ITK: variants seen among roughly 807,000 people sequenced by gnomAD.
The protein encoded by ITK is tyrosine-protein kinase ITK/TSK.
In ITK, 45 loss-of-function variants were observed where a neutral mutation model predicts 87.6. That is an observed-to-expected ratio of 0.51 (90% CI 0.40 to 0.66). The LOEUF (loss-of-function observed/expected upper bound fraction) is 0.66, where lower values mean the gene tolerates loss of function less well. Among genes scored for constraint, ITK ranks in the 30% least tolerant of loss-of-function variants. ITK has a pLI of 0.00. For synonymous variants in ITK, 303 were observed against 273.6 expected, an observed-to-expected ratio of 1.11 and a Z score of -1.06; for missense variants, 605 against 766.3, an observed-to-expected ratio of 0.79 and a Z score of 2.48.
intron 1 of ITK, among the ~76,000 whole-genome samples, chr5:157,191,811 A>T (rs1043036664): frequency 6.6e-6 from 1 of 152,222 alleles, no homozygotes; most frequent in Non-Finnish European, 1.5e-5. Flanking sequence ...GTTTCCAGGT[A>T]TAATGAAAAC....
chr5:157,202,401 A>T (rs1458393817), intron 1 of ITK, among the ~76,000 whole-genome samples: 1 of 152,028 alleles, frequency 6.6e-6, no homozygotes, highest in Non-Finnish European at 1.5e-5. Context: ...TTTAGTAGAG[A>T]TGGGGTTTCA....
intron 2 of ITK, among the ~76,000 whole-genome samples, chr5:157,209,379 A>T (rs1208494974): frequency 6.6e-6 from 1 of 151,692 alleles, no homozygotes; most frequent in Non-Finnish European, 1.5e-5. Flanking sequence ...GTGGACACGG[A>T]TGACTCTCTG....
At chr5:157,211,435 A>ATTC in intron 3 of ITK, 67 bp downstream of exon 3, 1 of 1,301,264 alleles carries the variant, frequency 7.7e-7, no homozygotes, top group Non-Finnish European at 1.1e-6. Flanking sequence ...GGGTTCCACA[A>ATTC]TAGAATAGAG....
chr5:157,190,711 A>G lies in ITK; in HGVS notation c.138+9596A>G, dbSNP rs2113739268. On this transcript the variant is annotated intron_variant, in intron 1 of 16. Transcript: ENST00000422843. ...TTATAGCTAAACTGAAGTTTGAGGA[A>G]ATAACTAGTTAAATGAAGAAATGGG... Among the ~76,000 whole-genome samples, 3 of 152,294 alleles carry G rather than the reference A, an allele frequency of 2.0e-5. No homozygotes were observed. The South Asian group carries it at 6.2e-4, about 32-fold the overall frequency.
intron 1 of ITK, among the ~76,000 whole-genome samples, chr5:157,193,744 G>A (rs556414640): frequency 6.6e-6 from 1 of 152,288 alleles, no homozygotes; most frequent in South Asian, 2.1e-4. Flanking sequence ...AAAAGGCAGA[G>A]TTGGGGCAAG....
In ITK at chr5:157,244,280, A is replaced by C. The variant is rs1449853934; in HGVS notation, c.1251A>C (p.Lys417Asn). 1 of 1,614,108 alleles carries C rather than the reference A, an allele frequency of 6.2e-7. No homozygotes were observed. The highest frequency in any genetic ancestry group is 1.1e-5 in the South Asian group (1 of 91,080). The change falls in exon 13 of 17, where the codon AAA becomes AAC. Residue 417 changes from lysine (K) to asparagine (N), a missense_variant. Lys to Asn is a moderately conservative substitution (Grantham distance 94). Coordinates refer to ENST00000422843, the MANE Select transcript of ITK (RefSeq NM_005546.4). ...AEVMMKLSHP[K>N]LVQLYGVCLE... ...CCTCCAGGAAACTCTCTCATCCCAA[A>C]CTGGTGCAGCTGTATGGGGTGTGCC...
intron 1 of ITK, 96 bp downstream of exon 1, chr5:157,181,211 G>A: frequency 1.6e-6 from 2 of 1,257,310 alleles, no homozygotes; most frequent in Non-Finnish European, 2.3e-6. Context: ...ATAGAGCACA[G>A]GAAACACAAA....
intron 6 of ITK, among the ~76,000 whole-genome samples, chr5:157,228,066 C>G (rs1313985864): frequency 6.6e-6 from 1 of 151,980 alleles, no homozygotes; most frequent in African/African-American, 2.4e-5. Flanking sequence ...GTCTCAAACT[C>G]TTGACCTCGT....
intron 4 of ITK, among the ~76,000 whole-genome samples, chr5:157,214,973 A>G (rs574990706): frequency 1.9e-4 from 29 of 152,332 alleles, no homozygotes; most frequent in African/African-American, 6.7e-4. Flanking sequence ...CTTTGACAGT[A>G]AAGGCTCAGG....
At chr5:157,181,949 T>A (rs1371146865) in intron 1 of ITK, among the ~76,000 whole-genome samples, 1 of 152,226 alleles carries the variant, frequency 6.6e-6, no homozygotes, top group East Asian at 1.9e-4. Context: ...AAACTCTACT[T>A]CTCAGTAGGT....
chr5:157,232,639 G>A (rs988781939), intron 8 of ITK, among the ~76,000 whole-genome samples: 1 of 152,192 alleles, frequency 6.6e-6, no homozygotes, highest in African/African-American at 2.4e-5. Flanking sequence ...ATGAAAGAAA[G>A]AAAGAATTGT....
Position 157,248,790 on chromosome 5 carries a change from G to T in ITK, c.1634-60G>T, listed in dbSNP as rs947402355. The T allele has an allele frequency of 1.8e-5, 29 of 1,590,000 alleles. No individual in the cohort carries two copies. The African/African-American group carries it at 3.8e-4, about 21-fold the overall frequency. Reference sequence around the variant, plus strand: ...AGTCTGTAATTTCTAGAGGCAGGTTGGTTTGTTTGCTGTCTGTGGGCTTTG... The same window carrying T: ...AGTCTGTAATTTCTAGAGGCAGGTTTGTTTGTTTGCTGTCTGTGGGCTTTG... On this transcript the variant is annotated intron_variant, in intron 15 of 16. Transcript: ENST00000422843.
intron 1 of ITK, among the ~76,000 whole-genome samples, chr5:157,194,354 G>A (rs1030252627): frequency 1.3e-5 from 2 of 152,106 alleles, no homozygotes; most frequent in African/African-American, 4.8e-5. Context: ...TCCTGGGGTG[G>A]CCTCTGACAA....
chr5:157,248,698 C>G, intron 15 of ITK, 152 bp from the exon 16 acceptor site: 2 of 831,234 alleles, frequency 2.4e-6, no homozygotes, highest in South Asian at 1.4e-5. Context: ...AAAAATAGGA[C>G]AGGCCTAATA....
At position 157,206,156 on chromosome 5, in the gene ITK, C is replaced by T. The variant is rs572032392; in HGVS notation, c.139-2733C>T. 3.2e-4 allele frequency among the ~76,000 whole-genome samples: 48 copies of T among 151,866 alleles called. 1 individual carries two copies. In the South Asian group the frequency reaches 7.3e-3, roughly 23 times the overall value. On this transcript the variant is annotated intron_variant, in intron 1 of 16. Coordinates refer to ENST00000422843, the MANE Select transcript of ITK (RefSeq NM_005546.4). ...TTTTTGTAGAAACAGAGTTTCACCA[C>T]GTTTCCCAGGCTGGTCTCGAACCCC...
At chr5:157,250,910 C>T (rs1755128780) in intron 16 of ITK, among the ~76,000 whole-genome samples, 1 of 152,158 alleles carries the variant, frequency 6.6e-6, no homozygotes, top group Admixed American at 6.5e-5. Context: ...GGATATGCCA[C>T]AGTTTGTTTA....
At chr5:157,190,211 T>C (rs938024981) in intron 1 of ITK, among the ~76,000 whole-genome samples, 1 of 152,230 alleles carries the variant, frequency 6.6e-6, no homozygotes, top group African/African-American at 2.4e-5. Flanking sequence ...TTTCCTTTTC[T>C]GATATTTAAA....
intron 3 of ITK, chr5:157,213,554 T>C: frequency 2.2e-6 from 1 of 452,536 alleles, no homozygotes; most frequent in South Asian, 1.6e-5. Context: ...ACTTTTTTCT[T>C]TTTTTTTGGT....
At chr5:157,207,377 CT>C (rs536290068) in intron 1 of ITK, among the ~76,000 whole-genome samples, 340 of 59,094 alleles carry the variant, frequency 5.8e-3, no homozygotes, top group African/African-American at 0.016. Context: ...AGATACGTCT[CT>C]TTTTTTTTTT....
Sources: gnomAD v4.1 joint callset for allele counts (sites outside exome capture counted in the v4.1 genomes callset) on GRCh38, gnomAD v4.1.1 for gene constraint, MANE v1.5 for transcripts, NCBI Gene and HGNC (gene_info 2026-07-23, HGNC 2026-07-21) for gene names.